The following TRAPPC8 variants were observed in gnomAD, a reference collection of about 807,000 sequenced individuals.
TRAPPC8 encodes the protein general sporulation gene 1 homolog.
Under a neutral mutation model 174.3 loss-of-function variants are expected in TRAPPC8, and 54 were observed. The observed-to-expected ratio is 0.31, with a 90% CI of 0.25 to 0.39. The LOEUF is 0.39. Ranked by LOEUF, TRAPPC8 falls within the 10% of genes least tolerant of loss-of-function variation. The pLI, the probability that TRAPPC8 is intolerant of heterozygous loss-of-function variation, is 1.00. For missense variants in TRAPPC8, 1,531 were observed against 1,699.1 expected (o/e 0.90, Z 1.74); for synonymous variants, 630 against 579.9 (o/e 1.09, Z -1.24).
Position 31,852,619 on chromosome 18 carries a change from C to T in TRAPPC8, c.3478G>A (p.Ala1160Thr), listed in dbSNP as rs1221939078. ...SREKGKFCFK[A>T]IRCEKEEAAT... ...CCTTCTTCTTTCTCACATCTTATTG[C>T]CTTAAAGCAAAACTTTCCCTTCTCC... Residue 1160 changes from alanine (A) to threonine (T), a missense_variant, in exon 23 of 29, where the codon GCA (alanine) becomes ACA (threonine). Physicochemically the swap from Ala to Thr is moderately conservative, Grantham distance 58. Transcript: ENST00000283351. 3.7e-6 allele frequency: 6 copies of T among 1,613,790 alleles called. No homozygotes were observed. In the African/African-American group the frequency reaches 8.0e-5, roughly 22 times the overall value.
At chr18:31,855,547 C>A in intron 21 of TRAPPC8, 113 bp downstream of exon 21, 1 of 852,470 alleles carries the variant, frequency 1.2e-6, no homozygotes, top group Non-Finnish European at 1.8e-6. Context: ...CATGAACATT[C>A]CTAAAATCCC....
rs1216691305 is a variant in TRAPPC8 at position 31,857,623 on chromosome 18, C to A, written c.3105G>T (p.Trp1035Cys). 6 of 1,614,060 alleles carry A rather than the reference C, an allele frequency of 3.7e-6. No homozygotes were observed. In the South Asian group the frequency reaches 6.6e-5, roughly 18 times the overall value. The change falls in exon 20 of 29, where the codon TGG becomes TGT. Residue 1035 changes from tryptophan (W) to cysteine (C), a missense_variant. Transcript: ENST00000283351. Reference protein sequence around the residue: ...LPGASVQLPMWLRGPDEEGVH... With the variant: ...LPGASVQLPMCLRGPDEEGVH... ...CACCTTCTTCATCAGGCCCACGTAA[C>A]CACATTGGCAGCTGCACTGAGGCTC...
intron 12 of TRAPPC8, among the ~76,000 whole-genome samples, chr18:31,885,361 G>C (rs2035658140): frequency 6.6e-6 from 1 of 152,134 alleles, no homozygotes; most frequent in Non-Finnish European, 1.5e-5. Context: ...ACCTTCACGA[G>C]TGTTTAAGTC....
chr18:31,842,369 G>A (rs572149569), intron 26 of TRAPPC8, among the ~76,000 whole-genome samples: 1 of 152,288 alleles, frequency 6.6e-6, no homozygotes, highest in Non-Finnish European at 1.5e-5. Context: ...TCTGTTGGTA[G>A]TTTACTTAGG....
chr18:31,906,175 GAA>G (rs113306306), intron 9 of TRAPPC8, among the ~76,000 whole-genome samples: 1,958 of 131,618 alleles, frequency 0.015, 44 homozygotes, highest in African/African-American at 0.049. Flanking sequence ...CTAAAAATAC[GAA>G]AAAAAAAAAA....
intron 1 of TRAPPC8, among the ~76,000 whole-genome samples, chr18:31,940,695 C>T (rs1223801035): frequency 6.6e-6 from 1 of 151,932 alleles, no homozygotes; most frequent in Non-Finnish European, 1.5e-5. Context: ...AACGGGGTTT[C>T]ACCATGTTGG....
At chr18:31,846,110 T>C (rs1282447671) in intron 26 of TRAPPC8, among the ~76,000 whole-genome samples, 1 of 152,178 alleles carries the variant, frequency 6.6e-6, no homozygotes, top group Admixed American at 6.5e-5. Context: ...ATTCTTTTCA[T>C]ACCTATGAAT....
chr18:31,925,314 A>G (rs996022525), intron 2 of TRAPPC8, among the ~76,000 whole-genome samples: 2 of 152,144 alleles, frequency 1.3e-5, no homozygotes, highest in African/African-American at 4.8e-5. Context: ...TTCAGAGTTA[A>G]GACACTATAA....
chr18:31,894,915 C>CA (rs1168498246), intron 11 of TRAPPC8, among the ~76,000 whole-genome samples: 1 of 152,218 alleles, frequency 6.6e-6, no homozygotes, highest in African/African-American at 2.4e-5. Context: ...AAGTGTTCAA[C>CA]ACAGAAACAG....
At chr18:31,875,601 G>A (rs1294058928) in intron 12 of TRAPPC8, among the ~76,000 whole-genome samples, 1 of 152,188 alleles carries the variant, frequency 6.6e-6, no homozygotes, top group Admixed American at 6.5e-5. Flanking sequence ...TCAAGGTGCT[G>A]TTGGCAAGTG....
intron 24 of TRAPPC8, 57 bp from the exon 25 acceptor site, chr18:31,849,796 T>C (rs2033613072): frequency 6.8e-7 from 1 of 1,469,464 alleles, no homozygotes. Flanking sequence ...TGTCAAAATT[T>C]ATTTTGTATA....
rs2033853133 is a variant in TRAPPC8, at chr18:31,853,917, A to G, written c.3365T>C (p.Ile1122Thr). The change falls in exon 22 of 29, where the codon ATA (isoleucine) becomes ACA (threonine). Residue 1122 changes from isoleucine (I) to threonine (T), a missense_variant. Ile to Thr is a moderately conservative substitution (Grantham distance 89). Coordinates refer to ENST00000283351, the MANE Select transcript of TRAPPC8 (RefSeq NM_014939.5). ...TTTGCTACTACTTGATACTTGCACT[A>G]TGTGGAATTCCTTAACGCCTGCTTC... is the stretch of plus-strand genomic sequence containing the variant. ...TSEAGVKEFHIVQVSSSSKHW... is the reference protein window; with the variant it reads ...TSEAGVKEFHTVQVSSSSKHW... 2 of 1,611,112 alleles carry G rather than the reference A, an allele frequency of 1.2e-6. No homozygotes were observed. The highest frequency in any genetic ancestry group is 1.3e-5 in the African/African-American group (1 of 74,880).
intron 11 of TRAPPC8, chr18:31,896,088 T>C (rs1268366396): frequency 6.6e-6 from 1 of 152,160 alleles, no homozygotes; most frequent in African/African-American, 2.4e-5. Flanking sequence ...CAATATAATA[T>C]AATATGACAA....
intron 9 of TRAPPC8, among the ~76,000 whole-genome samples, chr18:31,906,150 G>A (rs913841387): frequency 6.8e-6 from 1 of 147,892 alleles, no homozygotes; most frequent in Non-Finnish European, 1.5e-5. Flanking sequence ...GCAACACAGC[G>A]AAACCCTGTC....
At chr18:31,907,439 A>T (rs372113585) in intron 9 of TRAPPC8, 21 bp downstream of exon 9, 61 of 1,550,698 alleles carry the variant, frequency 3.9e-5, no homozygotes, top group Non-Finnish European at 5.1e-5. Flanking sequence ...TTAAGGAATT[A>T]TAATACCATA....
chr18:31,840,469 T>C (rs999042582), intron 26 of TRAPPC8, among the ~76,000 whole-genome samples: 19 of 152,150 alleles, frequency 1.2e-4, no homozygotes, highest in African/African-American at 4.3e-4. Context: ...TTATTTTCTT[T>C]CTTGGTTATT....
At chr18:31,887,184 T>TG (rs2035755583) in intron 12 of TRAPPC8, among the ~76,000 whole-genome samples, 1 of 152,148 alleles carries the variant, frequency 6.6e-6, no homozygotes, top group Admixed American at 6.5e-5. Flanking sequence ...GATGCAAGGC[T>TG]GGTTCAACAT....
chr18:31,883,744 A>G (rs1309136823), intron 12 of TRAPPC8: 1 of 152,252 alleles, frequency 6.6e-6, no homozygotes, highest in African/African-American at 2.4e-5. Context: ...TTAACCAGAC[A>G]GAAGAAACCC....
chr18:31,928,179 A>ACATT (rs1568147773), intron 2 of TRAPPC8, among the ~76,000 whole-genome samples: 23 of 150,870 alleles, frequency 1.5e-4, no homozygotes, highest in African/African-American at 5.6e-4. Flanking sequence ...AAAATAAAAT[A>ACATT]AAATAAAATT....
Sources: gnomAD v4.1 joint callset for allele counts (sites outside exome capture counted in the v4.1 genomes callset) on GRCh38, gnomAD v4.1.1 for gene constraint, MANE v1.5 for transcripts, NCBI Gene and HGNC (gene_info 2026-07-23, HGNC 2026-07-21) for gene names.